Variants in TMEM260 observed in about 807,000 individuals in gnomAD.
The protein encoded by TMEM260 is protein O-mannosyl-transferase TMEM260.
TMEM260 carries 82 observed loss-of-function variants against 88.9 expected under a neutral mutation model. The observed-to-expected ratio is 0.92, with a 90% CI of 0.77 to 1.11. The LOEUF is 1.11. TMEM260 is among the 50% of genes least tolerant of loss of function. TMEM260 has a pLI of 0.00. For missense variants in TMEM260, 902 were observed against 853.4 expected (o/e 1.06, Z -0.71); for synonymous variants, 314 against 309.3 (o/e 1.02, Z -0.16).
At chr14:56,586,230 G>T (rs1885492433) in intron 3 of TMEM260, among the ~76,000 whole-genome samples, 1 of 152,064 alleles carries the variant, frequency 6.6e-6, no homozygotes, top group Non-Finnish European at 1.5e-5. Flanking sequence ...TTCATCTTTT[G>T]GTAAATGGTA....
chr14:56,641,549 C>G (rs1335576501), intron 15 of TMEM260, among the ~76,000 whole-genome samples: 1 of 152,140 alleles, frequency 6.6e-6, no homozygotes, highest in African/African-American at 2.4e-5. Flanking sequence ...CAGTACCAGC[C>G]ACTGCAAAAA....
intron 13 of TMEM260, among the ~76,000 whole-genome samples, chr14:56,634,020 C>T (rs1047265891): frequency 3.9e-5 from 6 of 152,140 alleles, no homozygotes; most frequent in African/African-American, 7.2e-5. Flanking sequence ...ACTCTGCAGC[C>T]GTCATGAGAA....
chr14:56,597,102 G>A (rs1233881739), intron 3 of TMEM260, among the ~76,000 whole-genome samples: 3 of 152,138 alleles, frequency 2.0e-5, no homozygotes, highest in African/African-American at 4.8e-5. Context: ...AAAAGACGAT[G>A]CTTATACTGA....
intron 12 of TMEM260, among the ~76,000 whole-genome samples, chr14:56,627,690 A>AAAGT (rs1230863098): frequency 6.6e-6 from 1 of 152,244 alleles, no homozygotes; most frequent in African/African-American, 2.4e-5. Flanking sequence ...TCATCATATG[A>AAAGT]AAGTTATCTA....
At chr14:56,639,282 A>T (rs556873456) in intron 15 of TMEM260, among the ~76,000 whole-genome samples, 1 of 151,614 alleles carries the variant, frequency 6.6e-6, no homozygotes, top group African/African-American at 2.4e-5. Flanking sequence ...CAACATTATG[A>T]TACATTTAAA....
chr14:56,582,471 TATG>T (rs1885199754), intron 1 of TMEM260, among the ~76,000 whole-genome samples: 1 of 152,184 alleles, frequency 6.6e-6, no homozygotes, highest in African/African-American at 2.4e-5. Flanking sequence ...TATTGAGAAG[TATG>T]ATATAAAGGG....
chr14:56,579,832 C>G lies in TMEM260; in HGVS notation c.-83C>G. 8.4e-7 allele frequency: 1 copy of G among 1,191,778 alleles called. No homozygotes were observed. The highest frequency in any genetic ancestry group is 1.1e-6 in the Non-Finnish European group (1 of 952,146). The allele number at this position is 1,191,778 out of a possible 1,614,324, so 73.8% of individuals were successfully genotyped here. A position where few individuals can be genotyped will look rare whatever the true frequency, so the allele number is the denominator to read the frequency against. The stretch of plus-strand genomic sequence containing the variant: ...GCCGCCGTGGCCGCCGCACAAGCTG[C>G]GCTCGTCTCTCGGCTGGGGAGCTCC... On this transcript the variant is annotated 5_prime_UTR_variant, in exon 1 of 16. Coordinates refer to ENST00000261556, the MANE Select transcript of TMEM260 (RefSeq NM_017799.4).
chr14:56,619,593 A>T (rs1302978019), intron 10 of TMEM260: 1 of 152,214 alleles, frequency 6.6e-6, no homozygotes, highest in Non-Finnish European at 1.5e-5. Context: ...GACATAAAAG[A>T]CGTCTAAGTC....
At chr14:56,586,283 C>G (rs1402719729) in intron 3 of TMEM260, among the ~76,000 whole-genome samples, 3 of 152,064 alleles carry the variant, frequency 2.0e-5, no homozygotes, top group African/African-American at 7.2e-5. Context: ...GAGCAGCTGC[C>G]TATCAGGTCC....
chr14:56,636,845 G>A (rs1424213018), intron 15 of TMEM260, among the ~76,000 whole-genome samples: 1 of 152,196 alleles, frequency 6.6e-6, no homozygotes, highest in Non-Finnish European at 1.5e-5. Flanking sequence ...TCCACAACCT[G>A]TGAATATGTT....
intron 4 of TMEM260, among the ~76,000 whole-genome samples, chr14:56,605,326 A>G (rs951983442): frequency 3.9e-5 from 6 of 152,220 alleles, no homozygotes; most frequent in African/African-American, 1.2e-4. Flanking sequence ...AGGATTTTCT[A>G]AAAGTTGGTT....
At chr14:56,634,073 C>T (rs1381198253) in intron 13 of TMEM260, among the ~76,000 whole-genome samples, 1 of 152,182 alleles carries the variant, frequency 6.6e-6, no homozygotes, top group African/African-American at 2.4e-5. Context: ...CATAACTTTG[C>T]TCATTATCCC....
At chr14:56,588,918 G>T (rs781554075) in intron 3 of TMEM260, among the ~76,000 whole-genome samples, 3 of 151,856 alleles carry the variant, frequency 2.0e-5, no homozygotes, top group Non-Finnish European at 2.9e-5. Flanking sequence ...AGATTTAATA[G>T]CATAATATTT....
At chr14:56,608,425 G>A (rs1452054302) in intron 5 of TMEM260, among the ~76,000 whole-genome samples, 1 of 152,026 alleles carries the variant, frequency 6.6e-6, no homozygotes, top group East Asian at 1.9e-4. Context: ...AAACTTTGTC[G>A]ATATTGTCCT....
At chr14:56,598,022 G>A (rs1169619115) in intron 3 of TMEM260, among the ~76,000 whole-genome samples, 2 of 152,160 alleles carry the variant, frequency 1.3e-5, no homozygotes, top group Non-Finnish European at 2.9e-5. Context: ...GTGTACCATA[G>A]TTGGTTGGAG....
rs1377059229 is a variant in TMEM260, at chr14:56,579,856, C to G, written c.-59C>G. The G allele has an allele frequency of 2.4e-6, 3 of 1,225,896 alleles. No homozygotes were observed. The highest frequency in any genetic ancestry group is 1.6e-5 in the African/African-American group (1 of 64,218). 75.9% of individuals were successfully genotyped at this position (1,225,896 alleles called of 1,614,324 possible). Reference sequence around the variant, plus strand: ...GCGCTCGTCTCTCGGCTGGGGAGCTCCGTGTCGCACCGGGTTCTTGGGCTG... The same window carrying G: ...GCGCTCGTCTCTCGGCTGGGGAGCTGCGTGTCGCACCGGGTTCTTGGGCTG... On this transcript the variant is annotated 5_prime_UTR_variant, in exon 1 of 16. Transcript: ENST00000261556.
intron 11 of TMEM260, among the ~76,000 whole-genome samples, chr14:56,622,341 T>A (rs12587440): frequency 0.22 from 6,275 of 29,034 alleles, 163 homozygotes; most frequent in East Asian, 0.36. Flanking sequence ...AGACTCCGTC[T>A]CAAAAAAAAA....
At chr14:56,644,127 G>T (rs1889794929) in intron 15 of TMEM260, among the ~76,000 whole-genome samples, 1 of 152,120 alleles carries the variant, frequency 6.6e-6, no homozygotes. Context: ...AGCTACCAAT[G>T]ACTTTCTTCA....
intron 3 of TMEM260, chr14:56,593,059 A>G (rs1355136303): frequency 5.3e-5 from 8 of 152,238 alleles, no homozygotes; most frequent in Admixed American, 1.3e-4. Flanking sequence ...TATCAATAGC[A>G]AACCTGTGTC....
Sources: allele counts gnomAD v4.1 joint callset (sites outside exome capture counted in the v4.1 genomes callset), GRCh38; gene constraint gnomAD v4.1.1; transcripts MANE v1.5; gene names NCBI Gene and HGNC (gene_info 2026-07-23, HGNC 2026-07-21).